GRIK4: variants seen among roughly 807,000 people sequenced by gnomAD.
GRIK4 encodes the protein glutamate receptor ionotropic, kainate 4.
In GRIK4, 40 loss-of-function variants were observed where a neutral mutation model predicts 104.9. The ratio of observed to expected loss-of-function variants is 0.38; its 90% confidence interval spans 0.30 to 0.50. GRIK4 has a LOEUF of 0.50. GRIK4 is among the 20% of genes least tolerant of loss of function. The pLI, the probability that GRIK4 is intolerant of heterozygous loss-of-function variation, is 0.93. For synonymous variants in GRIK4, 485 were observed against 524.9 expected, an observed-to-expected ratio of 0.92 and a Z score of 1.04; for missense variants, 1,047 against 1,308.1, an observed-to-expected ratio of 0.80 and a Z score of 3.08.
chr11:120,601,736 C>T (rs188548985), intron 1 of GRIK4, among the ~76,000 whole-genome samples: 4 of 145,446 alleles, frequency 2.8e-5, no homozygotes, highest in African/African-American at 7.7e-5. Context: ...GTAGGCTCAA[C>T]GTGTGGGGGA....
At chr11:120,787,870 T>C (rs969337152) in intron 3 of GRIK4, among the ~76,000 whole-genome samples, 2 of 122,542 alleles carry the variant, frequency 1.6e-5, no homozygotes, top group Admixed American at 8.1e-5. Context: ...TTTTTTTTTT[T>C]TTTTTTTTTT....
rs892736412 is a variant in GRIK4 at position 120,939,936 on chromosome 11, C to T, written c.1477-411C>T. ...CAGAGGTTGCGGCGAGCCGAGATGG[C>T]GCCACTGCACTCCAGCCTGGGCGAC... On this transcript the variant is annotated intron_variant, in intron 13 of 20. Coordinates refer to ENST00000527524, the MANE Select transcript of GRIK4 (RefSeq NM_014619.5). The surrounding 1 kb of genome is among the most constrained non-coding windows in gnomAD (Gnocchi z 5.6). 1.1e-4 allele frequency among the ~76,000 whole-genome samples: 16 copies of T among 151,538 alleles called. No homozygotes were observed. The highest frequency in any genetic ancestry group is 3.2e-4 in the African/African-American group (13 of 41,246).
chr11:120,900,203 A>G (rs747792988), intron 12 of GRIK4, among the ~76,000 whole-genome samples: 3 of 152,198 alleles, frequency 2.0e-5, no homozygotes, highest in Non-Finnish European at 4.4e-5. Context: ...GAAGGAGGGC[A>G]TTGTCGGGTG....
intron 1 of GRIK4, among the ~76,000 whole-genome samples, chr11:120,639,071 G>A (rs944036946): frequency 9.9e-5 from 15 of 151,916 alleles, no homozygotes; most frequent in Non-Finnish European, 1.6e-4. Context: ...GGTGGTGGGC[G>A]CCTGTAATCG....
chr11:120,904,752 G>C (rs2134505723), intron 12 of GRIK4, among the ~76,000 whole-genome samples: 1 of 152,250 alleles, frequency 6.6e-6, no homozygotes, highest in East Asian at 1.9e-4. Flanking sequence ...TTCATTCACA[G>C]CCCTTCCATC....
intron 6 of GRIK4, among the ~76,000 whole-genome samples, chr11:120,822,020 G>C (rs561462410): frequency 6.6e-6 from 1 of 152,078 alleles, no homozygotes; most frequent in South Asian, 2.1e-4. Flanking sequence ...GACCAGTCTG[G>C]CCAATGTAGT....
At chr11:120,780,496 G>T (rs1952132522) in intron 3 of GRIK4, among the ~76,000 whole-genome samples, 1 of 152,134 alleles carries the variant, frequency 6.6e-6, no homozygotes, top group Non-Finnish European at 1.5e-5. Flanking sequence ...ATATTCCGTT[G>T]TATGTATGTA....
intron 1 of GRIK4, among the ~76,000 whole-genome samples, chr11:120,527,557 C>A (rs1947870771): frequency 6.6e-6 from 1 of 152,192 alleles, no homozygotes; most frequent in East Asian, 1.9e-4. Flanking sequence ...CCTAACTGCG[C>A]CCCAGACACT....
intron 9 of GRIK4, among the ~76,000 whole-genome samples, chr11:120,864,895 C>T (rs1954365249): frequency 6.6e-6 from 1 of 152,200 alleles, no homozygotes; most frequent in Non-Finnish European, 1.5e-5. Flanking sequence ...GAGTCAAATA[C>T]TGGCCTTGAC....
intron 19 of GRIK4, among the ~76,000 whole-genome samples, chr11:120,969,970 C>G (rs1422556018): frequency 6.6e-6 from 1 of 152,176 alleles, no homozygotes; most frequent in African/African-American, 2.4e-5. Flanking sequence ...TTGGTCTCCT[C>G]TACTCAGTTG....
intron 4 of GRIK4, among the ~76,000 whole-genome samples, chr11:120,807,171 C>T (rs899735739): frequency 1.9e-4 from 29 of 152,156 alleles, no homozygotes; most frequent in African/African-American, 4.8e-4. Context: ...CTTTCCCTTC[C>T]GTGTCTTACC....
chr11:120,845,800 T>C (rs1235794243), intron 8 of GRIK4, among the ~76,000 whole-genome samples: 1 of 152,234 alleles, frequency 6.6e-6, no homozygotes, highest in African/African-American at 2.4e-5. Context: ...ATTGAGCCTT[T>C]TAGGAGAACC....
intron 1 of GRIK4, among the ~76,000 whole-genome samples, chr11:120,592,474 C>T (rs1487808582): frequency 1.3e-5 from 2 of 152,188 alleles, no homozygotes; most frequent in African/African-American, 4.8e-5. Flanking sequence ...CTCCTCTGCT[C>T]GGTACTGCAT....
At chr11:120,662,825 CCT>C (rs1308970724) in intron 3 of GRIK4, among the ~76,000 whole-genome samples, 1 of 152,100 alleles carries the variant, frequency 6.6e-6, no homozygotes, top group African/African-American at 2.4e-5. Context: ...GATAAATCGC[CCT>C]GTTTGCTCCA....
intron 16 of GRIK4, among the ~76,000 whole-genome samples, chr11:120,959,623 T>C (rs993491559): frequency 6.6e-6 from 1 of 152,250 alleles, no homozygotes; most frequent in African/African-American, 2.4e-5. Context: ...GGAGAAGGCT[T>C]GTTTAACCTA....
intron 3 of GRIK4, among the ~76,000 whole-genome samples, chr11:120,786,621 C>G (rs1299840236): frequency 2.0e-5 from 3 of 152,028 alleles, no homozygotes; most frequent in African/African-American, 7.3e-5. Flanking sequence ...CAGAAACACA[C>G]CAACATCTCT....
intron 1 of GRIK4, among the ~76,000 whole-genome samples, chr11:120,565,802 A>T (rs1348324930): frequency 6.6e-6 from 1 of 152,246 alleles, no homozygotes; most frequent in African/African-American, 2.4e-5. Context: ...ATACCTGGCC[A>T]CATGAGAAAA....
intron 13 of GRIK4, among the ~76,000 whole-genome samples, chr11:120,930,558 G>T (rs1039784552): frequency 1.3e-5 from 2 of 152,172 alleles, no homozygotes; most frequent in Non-Finnish European, 2.9e-5. Flanking sequence ...CAGGCATCCT[G>T]TACTAATACA....
intron 1 of GRIK4, among the ~76,000 whole-genome samples, chr11:120,529,267 GT>G (rs1947898765): frequency 1.3e-5 from 2 of 152,286 alleles, no homozygotes; most frequent in East Asian, 3.9e-4. Flanking sequence ...ATCCACTTCT[GT>G]GCCACACTTT....
Sources: gnomAD v4.1 joint callset for allele counts (sites outside exome capture counted in the v4.1 genomes callset) on GRCh38, gnomAD v4.1.1 for gene constraint, Gnocchi (gnomAD v3.1) non-coding constraint, MANE v1.5 for transcripts, NCBI Gene and HGNC (gene_info 2026-07-23, HGNC 2026-07-21) for gene names.